TMEM71: variants seen among roughly 807,000 people sequenced by gnomAD.
The protein encoded by TMEM71 is transmembrane protein 71.
Under a neutral mutation model 38.0 loss-of-function variants are expected in TMEM71, and 44 were observed. That is an observed-to-expected ratio of 1.16 (90% confidence interval 0.91 to 1.49). The LOEUF is 1.49. Ranked by LOEUF, TMEM71 falls within the 40% of genes most tolerant of loss-of-function variation. The probability of loss-of-function intolerance (pLI) is 0.00; values close to 1 mark genes in which losing one functional copy is unlikely to be tolerated. For synonymous variants in TMEM71, 133 were observed against 122.5 expected (o/e 1.09, Z -0.56); for missense variants, 367 against 348.6 (o/e 1.05, Z -0.42).
intron 9 of TMEM71, among the ~76,000 whole-genome samples, chr8:132,712,556 T>C (rs538252114): frequency 6.6e-6 from 1 of 152,134 alleles, no homozygotes; most frequent in Non-Finnish European, 1.5e-5. Context: ...GCACTTACCA[T>C]ATTAAAAGGC....
chr8:132,766,879 G>A, the TMEM71 span, among the ~76,000 whole-genome samples: 1 of 151,774 alleles, frequency 6.6e-6, no homozygotes, highest in Non-Finnish European at 1.5e-5. Context: ...CAGACTTCCA[G>A]TCCAGAATCC....
intron 4 of TMEM71, among the ~76,000 whole-genome samples, chr8:132,750,796 G>T (rs1353992878): frequency 6.6e-6 from 1 of 152,012 alleles, no homozygotes. Context: ...TTCTGATCTT[G>T]GTAAATTGTC....
intron 7 of TMEM71, among the ~76,000 whole-genome samples, chr8:132,719,622 T>A (rs570778938): frequency 6.6e-6 from 1 of 152,350 alleles, no homozygotes; most frequent in Admixed American, 6.5e-5. Flanking sequence ...ACCTATCACT[T>A]ACTATGAGAA....
chr8:132,756,731 C>T (rs559064132), intron 3 of TMEM71, among the ~76,000 whole-genome samples: 1 of 151,778 alleles, frequency 6.6e-6, no homozygotes, highest in East Asian at 1.9e-4. Flanking sequence ...AGATTACAGG[C>T]ACATACCATC....
intron 5 of TMEM71, among the ~76,000 whole-genome samples, chr8:132,737,344 C>G (rs999725437): frequency 6.6e-6 from 1 of 152,302 alleles, no homozygotes; most frequent in East Asian, 1.9e-4. Context: ...ATAACTTCTC[C>G]TTTGCCTTTG....
chr8:132,770,424 A>T, the TMEM71 span, among the ~76,000 whole-genome samples: 1 of 152,188 alleles, frequency 6.6e-6, no homozygotes, highest in Non-Finnish European at 1.5e-5. Flanking sequence ...ATAGGAACCC[A>T]GTTTAAGCCG....
Position 132,714,162 on chromosome 8 carries a change from G to T in TMEM71, c.806C>A (p.Thr269Asn). ...ASVFTCSLMI[T>N]VAYVKSLFLS... The stretch of plus-strand genomic sequence containing the variant: ...GGGAAACAGTTACTTACAAGCTACA[G>T]TTATCATCAATGAGCATGTGAAGAC... The change falls in exon 8 of 10, where the codon ACT (threonine) becomes AAT (asparagine). Residue 269 changes from threonine to asparagine, a missense_variant. Physicochemically the swap from Thr to Asn is moderately conservative, Grantham distance 65. Coordinates refer to ENST00000677595, the MANE Select transcript of TMEM71 (RefSeq NM_001382403.1). 6.2e-7 allele frequency: 1 copy of T among 1,612,910 alleles called. No individual in the cohort carries two copies. The highest frequency in any genetic ancestry group is 8.5e-7 in the Non-Finnish European group (1 of 1,179,270).
Position 132,747,376 on chromosome 8 carries a change from C to T in TMEM71, c.315-262G>A, listed in dbSNP as rs556057175. Among the ~76,000 whole-genome samples the T allele has an allele frequency of 2.0e-5, 3 of 152,318 alleles. No homozygotes were observed. In the South Asian group the frequency reaches 6.2e-4, roughly 32 times the overall value. ...AATAATAATGCACATATAGGTAATG[C>T]TTTCCTAGAGTTTATTCTATGCCTT... On this transcript the variant is annotated intron_variant, in intron 4 of 9. Transcript: ENST00000677595.
At chr8:132,719,259 T>C (rs188191493) in intron 7 of TMEM71, among the ~76,000 whole-genome samples, 31 of 152,356 alleles carry the variant, frequency 2.0e-4, no homozygotes, top group Middle Eastern at 3.4e-3. Context: ...GAATTTTATA[T>C]ACACAGGTTG....
At chr8:132,762,758 G>A (rs561382113), upstream of TMEM71, among the ~76,000 whole-genome samples, 10 of 152,216 alleles carry the variant, frequency 6.6e-5, no homozygotes, top group African/African-American at 1.2e-4. Flanking sequence ...GATGGCTCTC[G>A]AGTTTGCTTT....
At chr8:132,751,669 C>T (rs1435841686) in intron 4 of TMEM71, 116 bp downstream of exon 4, 9 of 972,748 alleles carry the variant, frequency 9.3e-6, no homozygotes, top group Non-Finnish European at 1.1e-5. Context: ...TGTATTTCCA[C>T]AGTCTGGAGC....
upstream of TMEM71, chr8:132,760,832 T>A (rs1420840750): frequency 1.3e-5 from 2 of 152,202 alleles, no homozygotes; most frequent in Non-Finnish European, 2.9e-5. Flanking sequence ...TGAGCTAACT[T>A]GTCACCTTTG....
downstream of TMEM71, among the ~76,000 whole-genome samples, chr8:132,709,645 G>C (rs1357568594): frequency 2.0e-5 from 3 of 152,042 alleles, no homozygotes; most frequent in East Asian, 5.8e-4. Flanking sequence ...GTGCTTTGGA[G>C]GTGGAGGAGG....
In TMEM71 at chr8:132,746,418, C is replaced by T. The variant is rs866695579; in HGVS notation, c.487+524G>A. On this transcript the variant is annotated intron_variant, in intron 5 of 9. Coordinates refer to ENST00000677595, the MANE Select transcript of TMEM71 (RefSeq NM_001382403.1). Reference sequence around the variant, plus strand: ...ATATATACATATATATATACACACACATATATATACATATATATATACATA... The same window carrying T: ...ATATATACATATATATATACACACATATATATATACATATATATATACATA... Among the ~76,000 whole-genome samples the T allele has an allele frequency of 8.3e-4, 31 of 37,540 alleles. 1 individual carries two copies. The highest frequency in any genetic ancestry group is 2.5e-3 in the South Asian group (3 of 1,208). 24.6% of individuals were successfully genotyped at this position (37,540 alleles called of 152,430 possible). A position where few individuals can be genotyped will look rare whatever the true frequency, so the allele number is the denominator to read the frequency against.
intron 3 of TMEM71, among the ~76,000 whole-genome samples, chr8:132,756,496 A>G (rs1829028644): frequency 6.8e-6 from 1 of 146,580 alleles, no homozygotes; most frequent in Non-Finnish European, 1.5e-5. Context: ...ACCAAAAAGA[A>G]ATAACCTTTC....
At position 132,758,524 on chromosome 8, in the gene TMEM71, A is replaced by G. The variant is rs1274218084; in HGVS notation, c.40+316T>C. ...TTTTCTGCAAGTAGCTATCAAAATC[A>G]TTCAGCATTTTTTATATACAAACAG... On this transcript the variant is annotated intron_variant, in intron 2 of 9. Transcript: ENST00000677595. The G allele has an allele frequency of 2.0e-5, 5 of 256,074 alleles. No homozygotes were observed. The South Asian group carries it at 3.3e-4, about 17-fold the overall frequency. 15.9% of individuals were successfully genotyped at this position (256,074 alleles called of 1,614,324 possible). A position where few individuals can be genotyped will look rare whatever the true frequency, so the allele number is the denominator to read the frequency against.
At chr8:132,741,885 C>A (rs1828061028) in intron 5 of TMEM71, among the ~76,000 whole-genome samples, 1 of 152,192 alleles carries the variant, frequency 6.6e-6, no homozygotes. Flanking sequence ...AAAGGAGACT[C>A]CCTTTCCCGG....
chr8:132,722,917 C>T (rs1433229282), intron 6 of TMEM71, among the ~76,000 whole-genome samples: 1 of 152,082 alleles, frequency 6.6e-6, no homozygotes, highest in African/African-American at 2.4e-5. Context: ...TAAATTAAAG[C>T]TGATTTGAGG....
chr8:132,725,428 C>A (rs1279686290), intron 6 of TMEM71, among the ~76,000 whole-genome samples: 4 of 152,092 alleles, frequency 2.6e-5, no homozygotes, highest in Non-Finnish European at 4.4e-5. Context: ...AGAGAAGAGA[C>A]AACAAAAGAC....
Sources: allele counts gnomAD v4.1 joint callset (sites outside exome capture counted in the v4.1 genomes callset), GRCh38; gene constraint gnomAD v4.1.1; transcripts MANE v1.5; gene names NCBI Gene and HGNC (gene_info 2026-07-23, HGNC 2026-07-21).